The following PSMA1 variants were observed in gnomAD, a reference collection of about 807,000 sequenced individuals.
PSMA1 encodes proteasome 20S subunit alpha 1.
A neutral mutation model predicts 38.4 loss-of-function variants in PSMA1; 3 were observed. The ratio of observed to expected loss-of-function variants is 0.08; its 90% CI spans 0.04 to 0.20. The LOEUF (loss-of-function observed/expected upper bound fraction) is 0.20, where lower values mean the gene tolerates loss of function less well. PSMA1 is among the 10% of genes least tolerant of loss of function. The probability of loss-of-function intolerance (pLI) is 1.00; values close to 1 mark genes in which losing one functional copy is unlikely to be tolerated. For missense variants in PSMA1, 227 were observed against 325.3 expected (o/e 0.70, Z 2.32); for synonymous variants, 101 against 107.1 (o/e 0.94, Z 0.35).
chr11:14,545,245 C>T (rs1257204557), intron 2 of PSMA1, among the ~76,000 whole-genome samples: 1 of 152,102 alleles, frequency 6.6e-6, no homozygotes, highest in African/African-American at 2.4e-5. Flanking sequence ...ATGCAGTTAT[C>T]AAAATATTAA....
chr11:14,600,493 T>A (rs1852566937), intron 2 of PSMA1, among the ~76,000 whole-genome samples: 1 of 152,192 alleles, frequency 6.6e-6, no homozygotes, highest in Admixed American at 6.5e-5. Context: ...CGCAGATCAA[T>A]CTCAGACTGC....
chr11:14,528,965 C>A lies in PSMA1; in HGVS notation c.22-9924G>T, dbSNP rs867407882. On this transcript the variant is annotated intron_variant, in intron 2 of 10. Coordinates refer to the PSMA1 transcript ENST00000418988. ...TAATCCACCACCCGTTGCTGACTCT[C>A]TTTTCGGACTCAGCCCGCCTGCACC... 2.0e-5 allele frequency among the ~76,000 whole-genome samples: 3 copies of A among 152,072 alleles called. No homozygotes were observed. The South Asian group carries it at 6.2e-4, about 32-fold the overall frequency.
rs150455680 is a variant in PSMA1 at position 14,531,852 on chromosome 11, G to C, written c.22-12811C>G. Among the ~76,000 whole-genome samples, 824 of 152,198 alleles carry C rather than the reference G, an allele frequency of 5.4e-3. 2 individuals are homozygous for C. Among genetic ancestry groups the C allele is most frequent in the Non-Finnish European group, 9.0e-3 (610 of 67,994 alleles). ...ATCCCTTCCTCTCTAGCTCCTGGTT[G>C]GGCTCAGCTAATGGAAGACACTAGT... On this transcript the variant is annotated intron_variant, in intron 2 of 10. Coordinates refer to the PSMA1 transcript ENST00000418988.
intron 2 of PSMA1, among the ~76,000 whole-genome samples, chr11:14,549,531 C>A (rs1049526790): frequency 6.6e-6 from 1 of 151,916 alleles, no homozygotes; most frequent in Admixed American, 6.6e-5. Flanking sequence ...GAAACCCTGT[C>A]TCTACTAAAA....
chr11:14,510,931 T>C lies in PSMA1; in HGVS notation c.565A>G (p.Lys189Glu). 2 of 1,602,490 alleles carry C rather than the reference T, an allele frequency of 1.2e-6. No homozygotes were observed. Among genetic ancestry groups the C allele is most frequent in the South Asian group, 2.2e-5 (2 of 89,264 alleles). Residue 189 changes from lysine to glutamate, a missense_variant, in exon 8 of 10, where the codon AAA (lysine) becomes GAA (glutamate). Physicochemically the swap from Lys to Glu is moderately conservative, Grantham distance 56. Transcript: ENST00000396394. Reference sequence around the variant, plus strand: ...TCTCTTAAGGCACGCAGACCATGTTTAACTAGTTCATTTAAATTACCTATA... The same window carrying C: ...TCTCTTAAGGCACGCAGACCATGTTCAACTAGTTCATTTAAATTACCTATA... ...FMECNLNELVKHGLRALRETL... is the reference protein window; with the variant it reads ...FMECNLNELVEHGLRALRETL...
At chr11:14,625,921 C>T (rs967318517) in intron 1 of PSMA1, among the ~76,000 whole-genome samples, 2 of 152,152 alleles carry the variant, frequency 1.3e-5, no homozygotes, top group African/African-American at 4.8e-5. Context: ...CCTTAGCTAA[C>T]GATAAAATGG....
At chr11:14,634,318 C>A (rs1565064429) in intron 1 of PSMA1, among the ~76,000 whole-genome samples, 1 of 152,134 alleles carries the variant, frequency 6.6e-6, no homozygotes. Flanking sequence ...CCCCACTGAC[C>A]ATTTACAACT....
At chr11:14,525,383 G>A (rs188442188), upstream of PSMA1, among the ~76,000 whole-genome samples, 296 of 151,872 alleles carry the variant, frequency 1.9e-3, no homozygotes, top group Non-Finnish European at 3.1e-3. Context: ...CCTCCTTGGC[G>A]ACCGATCATG....
At chr11:14,590,257 T>C (rs973463020) in intron 2 of PSMA1, among the ~76,000 whole-genome samples, 4 of 152,192 alleles carry the variant, frequency 2.6e-5, no homozygotes, top group African/African-American at 4.8e-5. Context: ...GTTCTAGTGA[T>C]GGATGGTGGT....
At chr11:14,567,341 G>A (rs1214535381) in intron 2 of PSMA1, among the ~76,000 whole-genome samples, 1 of 152,200 alleles carries the variant, frequency 6.6e-6, no homozygotes, top group Non-Finnish European at 1.5e-5. Context: ...TGAGACATTT[G>A]GCTGGAAGTT....
intron 4 of PSMA1, among the ~76,000 whole-genome samples, chr11:14,517,385 C>T (rs1010972360): frequency 6.6e-6 from 1 of 152,138 alleles, no homozygotes; most frequent in Non-Finnish European, 1.5e-5. Flanking sequence ...GGGTCTCAAA[C>T]GATATACATT....
chr11:14,519,157 G>A, intron 1 of PSMA1, 116 bp from the exon 2 acceptor site: 1 of 850,800 alleles, frequency 1.2e-6, no homozygotes, highest in Non-Finnish European at 2.0e-6. Context: ...CTCTGTTCAT[G>A]CAGTCTTACT....
chr11:14,567,336 C>T (rs1485693296), intron 2 of PSMA1, among the ~76,000 whole-genome samples: 3 of 152,312 alleles, frequency 2.0e-5, no homozygotes, highest in Admixed American at 6.5e-5. Context: ...AAAGATGAGA[C>T]ATTTGGCTGG....
At chr11:14,631,359 T>C (rs1464976624) in intron 1 of PSMA1, among the ~76,000 whole-genome samples, 4 of 152,202 alleles carry the variant, frequency 2.6e-5, no homozygotes, top group Non-Finnish European at 4.4e-5. Context: ...GATTCTGGTA[T>C]GTTGTGTCTT....
intron 1 of PSMA1, among the ~76,000 whole-genome samples, chr11:14,631,276 A>C (rs1411505341): frequency 6.6e-6 from 1 of 151,542 alleles, no homozygotes; most frequent in Non-Finnish European, 1.5e-5. Flanking sequence ...AATTTTCGAT[A>C]TTTCCTGCTT....
chr11:14,622,983 G>C (rs188170807), intron 1 of PSMA1, among the ~76,000 whole-genome samples: 1 of 152,350 alleles, frequency 6.6e-6, no homozygotes, highest in East Asian at 1.9e-4. Context: ...GGTAGAGGCA[G>C]AGTGCTTCAC....
chr11:14,629,697 C>T (rs1321675608), intron 1 of PSMA1, among the ~76,000 whole-genome samples: 1 of 152,076 alleles, frequency 6.6e-6, no homozygotes, highest in Non-Finnish European at 1.5e-5. Flanking sequence ...TTTTCCAATT[C>T]TGGGAAGAAA....
At chr11:14,505,764 G>A (rs911736922) in intron 9 of PSMA1, among the ~76,000 whole-genome samples, 2 of 152,094 alleles carry the variant, frequency 1.3e-5, no homozygotes, top group African/African-American at 4.8e-5. Flanking sequence ...CAACACTCTG[G>A]GAGGCTGAGG....
rs975620330 is a variant in PSMA1 at position 14,520,359 on chromosome 11, C to G, written c.-60G>C. On this transcript the variant is annotated 5_prime_UTR_variant, in exon 1 of 10. Coordinates refer to ENST00000396394, the MANE Select transcript of PSMA1 (RefSeq NM_002786.4). Reference sequence around the variant, plus strand: ...AAACTGAGAATCAAGGAGGTGCTGCCGAAAGTATCGCTCAGCGATCTACAG... The same window carrying G: ...AAACTGAGAATCAAGGAGGTGCTGCGGAAAGTATCGCTCAGCGATCTACAG... 4 of 1,614,090 alleles carry G rather than the reference C, an allele frequency of 2.5e-6. No homozygotes were observed. In the African/African-American group the frequency reaches 4.0e-5, roughly 16 times the overall value.
Sources: gnomAD v4.1 joint callset for allele counts (sites outside exome capture counted in the v4.1 genomes callset) on GRCh38, gnomAD v4.1.1 for gene constraint, MANE v1.5 for transcripts, NCBI Gene and HGNC (gene_info 2026-07-23, HGNC 2026-07-21) for gene names.